The following FRMD6 variants were observed in gnomAD, a reference collection of about 807,000 sequenced individuals.
FRMD6 encodes the protein FERM domain-containing protein 6.
Under a neutral mutation model 73.2 loss-of-function variants are expected in FRMD6, and 37 were observed. The ratio of observed to expected loss-of-function variants is 0.51; its 90% CI spans 0.39 to 0.66. The LOEUF (loss-of-function observed/expected upper bound fraction) is 0.66, where lower values mean the gene tolerates loss of function less well. Among genes scored for constraint, FRMD6 ranks in the 30% least tolerant of loss-of-function variants. The probability of loss-of-function intolerance (pLI) is 0.00; values close to 1 mark genes in which losing one functional copy is unlikely to be tolerated. For missense variants in FRMD6, 714 were observed against 780.5 expected, an observed-to-expected ratio of 0.91 and a Z score of 1.02; for synonymous variants, 273 against 282.2, an observed-to-expected ratio of 0.97 and a Z score of 0.33.
chr14:51,416,453 T>C, the FRMD6 span, among the ~76,000 whole-genome samples: 1 of 152,358 alleles, frequency 6.6e-6, no homozygotes, highest in African/African-American at 2.4e-5. Flanking sequence ...TTCCATGTAG[T>C]TGTGCGGTTT....
chr14:51,619,744 G>A (rs1355296258), intron 2 of FRMD6, among the ~76,000 whole-genome samples: 4 of 152,098 alleles, frequency 2.6e-5, no homozygotes, highest in Non-Finnish European at 5.9e-5. Flanking sequence ...ACCAAAATGA[G>A]GTCAGCTACT....
rs1343698587 is a variant in FRMD6 at position 51,729,600 on chromosome 14, C to CTA, written c.*1577_*1578dup. On this transcript the variant is annotated 3_prime_UTR_variant, in exon 14 of 14. Coordinates refer to ENST00000344768, the MANE Select transcript of FRMD6 (RefSeq NM_001267046.2). ...TATCTGCCCAGTTTTATTAAAAAAA[C>CTA]TATATATTATTTTCTAAAGAAACAA... 1.6e-4 allele frequency: 24 copies of CTA among 152,582 alleles called. No homozygotes were observed. In the East Asian group the frequency reaches 4.6e-3, roughly 29 times the overall value. The allele number at this position is 152,582 out of a possible 1,614,324, so 9.5% of individuals were successfully genotyped here.
intron 11 of FRMD6, 77 bp downstream of exon 11, chr14:51,720,467 T>A: frequency 7.4e-7 from 1 of 1,346,462 alleles, no homozygotes; most frequent in South Asian, 1.2e-5. Flanking sequence ...AGAACTGGTG[T>A]CTGGAGAGCA....
At chr14:51,437,033 A>C in the FRMD6 span, 1 of 525,922 alleles carries the variant, frequency 1.9e-6, no homozygotes, top group Non-Finnish European at 3.3e-6. Context: ...CATGTGCACA[A>C]CGTGCAAGTT....
chr14:51,725,810 C>A lies in FRMD6; in HGVS notation c.1524C>A (p.Thr508=). 1 of 1,613,810 alleles carries A rather than the reference C, an allele frequency of 6.2e-7. No homozygotes were observed. The highest frequency in any genetic ancestry group is 1.1e-5 in the South Asian group (1 of 91,054). ...TTGTGAAAGAAATTGGGTCTTCCACCTCGAGCTCTTCAGAAACAGTTGTTA... is the reference window on the plus strand; with the variant it reads ...TTGTGAAAGAAATTGGGTCTTCCACATCGAGCTCTTCAGAAACAGTTGTTA... ...GLIVKEIGSS[T]SSSSETVVKL... Residue 508 remains threonine (T), a synonymous_variant, in exon 13 of 14, where the codon ACC becomes ACA. Coordinates refer to ENST00000344768, the MANE Select transcript of FRMD6 (RefSeq NM_001267046.2).
intron 1 of FRMD6, among the ~76,000 whole-genome samples, chr14:51,551,478 T>C (rs1052601607): frequency 2.6e-5 from 4 of 152,224 alleles, no homozygotes; most frequent in Non-Finnish European, 4.4e-5. Flanking sequence ...CTCAGGCCTG[T>C]AATCTTAGCA....
At chr14:51,402,464 C>T in the FRMD6 span, among the ~76,000 whole-genome samples, 1 of 152,120 alleles carries the variant, frequency 6.6e-6, no homozygotes, top group Admixed American at 6.5e-5. Context: ...GTTTTAAAAA[C>T]GGGAGTTTCC....
intron 3 of FRMD6, among the ~76,000 whole-genome samples, chr14:51,700,101 A>C (rs973305924): frequency 2.0e-5 from 3 of 151,966 alleles, no homozygotes; most frequent in African/African-American, 7.2e-5. Flanking sequence ...CAAAGTGTGC[A>C]CATCTTTGGA....
chr14:51,610,229 C>T (rs566038022), intron 2 of FRMD6, among the ~76,000 whole-genome samples: 2 of 152,014 alleles, frequency 1.3e-5, no homozygotes, highest in South Asian at 4.2e-4. Flanking sequence ...AGCGCAGCCT[C>T]CTTTCTCCAA....
At chr14:51,466,677 A>C in the FRMD6 span, among the ~76,000 whole-genome samples, 1 of 152,230 alleles carries the variant, frequency 6.6e-6, no homozygotes, top group Non-Finnish European at 1.5e-5. Flanking sequence ...AAAGAAAGCT[A>C]AGTACTCCAA....
chr14:51,720,496 A>G (rs1240805613), intron 11 of FRMD6, 106 bp downstream of exon 11: 1 of 981,756 alleles, frequency 1.0e-6, no homozygotes, highest in South Asian at 1.5e-5. Flanking sequence ...CAGTAGTAAT[A>G]AAGTGGAAGA....
Position 51,727,817 on chromosome 14 carries a change from A to G in FRMD6, c.1657A>G (p.Lys553Glu), listed in dbSNP as rs766016571. ...LSLDDIRLYQ[K>E]DFLRIAGLCQ... Reference sequence around the variant, plus strand: ...CCTCGATGACATCAGACTTTACCAGAAAGACTTCCTGCGCATTGCAGGTCT... The same window carrying G: ...CCTCGATGACATCAGACTTTACCAGGAAGACTTCCTGCGCATTGCAGGTCT... The change falls in exon 14 of 14, where the codon AAA becomes GAA. Residue 553 changes from lysine (K) to glutamate (E), a missense_variant. By Grantham distance (56) the Lys-to-Glu change is moderately conservative (BLOSUM62 1). Transcript: ENST00000344768. 6.2e-7 allele frequency: 1 copy of G among 1,614,104 alleles called. No individual in the cohort carries two copies. Among genetic ancestry groups the G allele is most frequent in the African/African-American group, 1.3e-5 (1 of 75,056 alleles).
intron 1 of FRMD6, among the ~76,000 whole-genome samples, chr14:51,513,623 A>AT (rs5808615): frequency 6.7e-6 from 1 of 149,632 alleles, no homozygotes; most frequent in East Asian, 2.0e-4. Context: ...GAATCTCTAC[A>AT]TTTTTTTTTT....
chr14:51,678,315 A>G (rs947660359), intron 1 of FRMD6, among the ~76,000 whole-genome samples: 4 of 152,176 alleles, frequency 2.6e-5, no homozygotes, highest in Admixed American at 2.0e-4. Flanking sequence ...CGTCCCAAAC[A>G]GTGTGTCTCC....
intron 2 of FRMD6, among the ~76,000 whole-genome samples, chr14:51,638,520 T>G (rs1689247583): frequency 6.6e-6 from 1 of 152,104 alleles, no homozygotes. Context: ...CCATGCTAGA[T>G]TTTACAACCT....
chr14:51,648,374 G>A (rs537891690), upstream of FRMD6, among the ~76,000 whole-genome samples: 95 of 152,268 alleles, frequency 6.2e-4, no homozygotes, highest in Non-Finnish European at 1.3e-3. Flanking sequence ...CTGTGTGCTT[G>A]TTCACTCTGT....
At chr14:51,720,833 G>A (rs1301952805) in intron 11 of FRMD6, among the ~76,000 whole-genome samples, 1 of 152,126 alleles carries the variant, frequency 6.6e-6, no homozygotes, top group Non-Finnish European at 1.5e-5. Context: ...TTTCTGAAGC[G>A]CCTCCCATGT....
intron 2 of FRMD6, among the ~76,000 whole-genome samples, chr14:51,632,529 A>T (rs1891379191): frequency 6.6e-6 from 1 of 152,192 alleles, no homozygotes; most frequent in South Asian, 2.1e-4. Context: ...AATCTTTTTT[A>T]AAACATTTTG....
chr14:51,641,227 C>G (rs976388339), intron 2 of FRMD6, among the ~76,000 whole-genome samples: 1 of 152,260 alleles, frequency 6.6e-6, no homozygotes, highest in African/African-American at 2.4e-5. Context: ...GTGATCCATT[C>G]GCCTTAGCCT....
Sources: gnomAD v4.1 joint callset for allele counts (sites outside exome capture counted in the v4.1 genomes callset) on GRCh38, gnomAD v4.1.1 for gene constraint, MANE v1.5 for transcripts, NCBI Gene and HGNC (gene_info 2026-07-23, HGNC 2026-07-21) for gene names.